ASH1L: variants seen among roughly 807,000 people sequenced by gnomAD.
The protein encoded by ASH1L is ASH1 like histone lysine methyltransferase, also known as histone-lysine N-methyltransferase ASH1L.
ASH1L carries 23 observed loss-of-function variants against 269.0 expected under a neutral mutation model. The ratio of observed to expected loss-of-function variants is 0.09; its 90% CI spans 0.06 to 0.12. The LOEUF (loss-of-function observed/expected upper bound fraction) is 0.12. Among genes scored for constraint, ASH1L ranks in the 10% least tolerant of loss-of-function variants. ASH1L has a pLI of 1.00. For synonymous variants in ASH1L, 1,187 were observed against 1,253.5 expected (o/e 0.95, Z 1.12); for missense variants, 2,912 against 3,567.8 (o/e 0.82, Z 4.68).
At chr1:155,407,537 A>G (rs538495482) in intron 6 of ASH1L, among the ~76,000 whole-genome samples, 5 of 152,316 alleles carry the variant, frequency 3.3e-5, no homozygotes, top group African/African-American at 1.2e-4. Context: ...TCCTTACTAG[A>G]CTGGTTAGAT....
At chr1:155,510,301 C>T (rs928574538) in intron 2 of ASH1L, among the ~76,000 whole-genome samples, 2 of 150,394 alleles carry the variant, frequency 1.3e-5, no homozygotes, top group East Asian at 3.9e-4. Flanking sequence ...GTAATCCCAG[C>T]TACTCAAGAG....
At chr1:155,551,954 C>T (rs1228150920) in intron 1 of ASH1L, among the ~76,000 whole-genome samples, 11 of 151,932 alleles carry the variant, frequency 7.2e-5, no homozygotes, top group Non-Finnish European at 1.3e-4. Context: ...CCAGCCTGGG[C>T]GAAAGGTTGA....
intron 5 of ASH1L, among the ~76,000 whole-genome samples, chr1:155,427,002 A>G (rs911403105): frequency 2.0e-5 from 3 of 152,052 alleles, no homozygotes; most frequent in Non-Finnish European, 4.4e-5. Context: ...GCTTCCATAT[A>G]TGTGTAGGTC....
chr1:155,367,598 T>C (rs1047795620), intron 12 of ASH1L, among the ~76,000 whole-genome samples: 5 of 152,192 alleles, frequency 3.3e-5, no homozygotes, highest in African/African-American at 1.2e-4. Context: ...TAAAAATGGA[T>C]TTCCTTTGGC....
chr1:155,338,432 AG>A, intron 26 of ASH1L, 42 bp from the exon 27 acceptor site: 15 of 1,576,716 alleles, frequency 9.5e-6, no homozygotes, highest in Non-Finnish European at 1.2e-5. Flanking sequence ...ACACTTGAGG[AG>A]GAAAAGGGGA....
In ASH1L at chr1:155,489,749, C is replaced by A. The variant is rs1246156903; in HGVS notation, c.421-7300G>T. ...CTCCAGCCTGGGCAACAGAGGGAGACACTGTCTCAAAAAAAATAAATAAAT... is the reference window on the plus strand; with the variant it reads ...CTCCAGCCTGGGCAACAGAGGGAGAAACTGTCTCAAAAAAAATAAATAAAT... On this transcript the variant is annotated intron_variant, in intron 2 of 27. Transcript: ENST00000392403. 5.5e-4 allele frequency among the ~76,000 whole-genome samples: 82 copies of A among 149,726 alleles called. 1 individual carries two copies. Among genetic ancestry groups the A allele is most frequent in the Admixed American group, 5.5e-3 (82 of 15,006 alleles).
At chr1:155,349,092 AATT>A (rs1166013993) in intron 19 of ASH1L, among the ~76,000 whole-genome samples, 2 of 152,146 alleles carry the variant, frequency 1.3e-5, no homozygotes. Context: ...TTTTTACAAA[AATT>A]ATTTTTTTGG....
rs571929335 is a variant in ASH1L, at chr1:155,381,198, C to T, written c.6104-1082G>A. Reference sequence around the variant, plus strand: ...AATACTTGATAAAATGTCTTTGTTGCTGGTTTTATAATTAATATACTATAC... The same window carrying T: ...AATACTTGATAAAATGTCTTTGTTGTTGGTTTTATAATTAATATACTATAC... On this transcript the variant is annotated intron_variant, in intron 7 of 27. Coordinates refer to ENST00000392403, the MANE Select transcript of ASH1L (RefSeq NM_018489.3). 3.3e-5 allele frequency among the ~76,000 whole-genome samples: 5 copies of T among 152,248 alleles called. No individual in the cohort carries two copies. The East Asian group carries it at 9.6e-4, about 29-fold the overall frequency.
intron 5 of ASH1L, among the ~76,000 whole-genome samples, chr1:155,423,892 A>G (rs1288235234): frequency 6.6e-6 from 1 of 151,702 alleles, no homozygotes; most frequent in African/African-American, 2.4e-5. Flanking sequence ...ACCACTCCTA[A>G]TTTTTTGTAT....
At chr1:155,452,270 C>T (rs1485875614) in intron 4 of ASH1L, among the ~76,000 whole-genome samples, 1 of 151,932 alleles carries the variant, frequency 6.6e-6, no homozygotes, top group African/African-American at 2.4e-5. Context: ...AACTCCGGAC[C>T]TCAGGTGATC....
Position 155,480,616 on chromosome 1 carries a change from T to C in ASH1L, c.2254A>G (p.Asn752Asp). ...FKNVSCSSLS[N>D]SNSEPAKFMK... ...AACTTGGCTGGCTCAGAATTACTAT[T>C]TGATAGTGAGCTACATGAAACGTTT... Residue 752 changes from asparagine (N) to aspartate (D), a missense_variant, in exon 3 of 28, where the codon AAT becomes GAT. By Grantham distance (23) the Asn-to-Asp change is conservative. Around this residue, in one of 13 missense-constraint regions of ASH1L, gnomAD observed 715 missense variants for 721.0 expected, o/e 0.99. Transcript: ENST00000392403. The C allele has an allele frequency of 6.2e-7, 1 of 1,614,184 alleles. No homozygotes were observed. Among genetic ancestry groups the C allele is most frequent in the South Asian group, 1.1e-5 (1 of 91,078 alleles).
At chr1:155,542,165 T>C (rs746288392) in intron 1 of ASH1L, among the ~76,000 whole-genome samples, 11 of 152,108 alleles carry the variant, frequency 7.2e-5, no homozygotes, top group Non-Finnish European at 1.3e-4. Context: ...GAGAAATATA[T>C]AGGAACACTG....
chr1:155,512,755 A>AT (rs1668247612), intron 2 of ASH1L, among the ~76,000 whole-genome samples: 1 of 151,892 alleles, frequency 6.6e-6, no homozygotes, highest in Admixed American at 6.6e-5. Flanking sequence ...AAAAAAACAC[A>AT]TATCAAGCTG....
intron 12 of ASH1L, among the ~76,000 whole-genome samples, chr1:155,362,706 A>T (rs1376287636): frequency 6.6e-6 from 1 of 151,756 alleles, no homozygotes; most frequent in Admixed American, 6.6e-5. Flanking sequence ...TATAGAAAAA[A>T]CCCCAATCCT....
chr1:155,443,780 T>A (rs975314350), intron 4 of ASH1L, among the ~76,000 whole-genome samples: 1 of 152,224 alleles, frequency 6.6e-6, no homozygotes, highest in East Asian at 1.9e-4. Context: ...TGTTCCTTTT[T>A]ACTATTCACA....
At chr1:155,486,884 G>A (rs1419909575) in intron 2 of ASH1L, among the ~76,000 whole-genome samples, 1 of 151,580 alleles carries the variant, frequency 6.6e-6, no homozygotes, top group Non-Finnish European at 1.5e-5. Flanking sequence ...AAAAAGCTCT[G>A]GCTGGGCACA....
rs898390383 is a variant in ASH1L, at chr1:155,368,191, C to T, written c.6686+2313G>A. 7.2e-5 allele frequency among the ~76,000 whole-genome samples: 11 copies of T among 152,152 alleles called. No homozygotes were observed. In the South Asian group the frequency reaches 2.3e-3, roughly 32 times the overall value. ...TCTTTAAATTTTTGTTGAGACAGGTCTCACCATCTTGCCTAGGCTGGTCTT... is the reference window on the plus strand; with the variant it reads ...TCTTTAAATTTTTGTTGAGACAGGTTTCACCATCTTGCCTAGGCTGGTCTT... On this transcript the variant is annotated intron_variant, in intron 12 of 27. Transcript: ENST00000392403.
At chr1:155,504,149 A>C (rs1207387136) in intron 2 of ASH1L, among the ~76,000 whole-genome samples, 1 of 152,200 alleles carries the variant, frequency 6.6e-6, no homozygotes, top group East Asian at 1.9e-4. Flanking sequence ...TGGGATATGG[A>C]AAGGTAGGTA....
Position 155,521,216 on chromosome 1 carries a change from T to C in ASH1L, c.304A>G (p.Asn102Asp), listed in dbSNP as rs1359259334. 1 of 1,614,030 alleles carries C rather than the reference T, an allele frequency of 6.2e-7. No homozygotes were observed. Among genetic ancestry groups the C allele is most frequent in the Non-Finnish European group, 8.5e-7 (1 of 1,179,986 alleles). Residue 102 changes from asparagine (N) to aspartate (D), a missense_variant, in exon 2 of 28, where the codon AAC becomes GAC. Coordinates refer to ENST00000392403, the MANE Select transcript of ASH1L (RefSeq NM_018489.3). The stretch of plus-strand genomic sequence containing the variant: ...GGTCGACATACATAGTTCTCCAAGT[T>C]CTTTGGAGGTTTTTTAGTTCTCTTA... The part of the protein sequence containing the change: ...QAKRTKKPPK[N>D]LENYVCRPAI...
Sources: allele counts gnomAD v4.1 joint callset (sites outside exome capture counted in the v4.1 genomes callset), GRCh38; gene constraint gnomAD v4.1.1; regional missense constraint gnomAD v4.1.1; transcripts MANE v1.5; gene names NCBI Gene and HGNC (gene_info 2026-07-23, HGNC 2026-07-21).